The following VWA8 variants were observed in gnomAD, a reference collection of about 807,000 sequenced individuals.
VWA8 encodes von Willebrand factor A domain containing 8.
In VWA8, 221 loss-of-function variants were observed where a neutral mutation model predicts 241.5. The ratio of observed to expected loss-of-function variants is 0.91; its 90% confidence interval spans 0.82 to 1.02. VWA8 has a LOEUF of 1.02. Among genes scored for constraint, VWA8 ranks in the 50% least tolerant of loss-of-function variants. The pLI is 0.00. For synonymous variants in VWA8, 852 were observed against 827.1 expected (o/e 1.03, Z -0.52); for missense variants, 2,322 against 2,328.7 (o/e 1.00, Z 0.06).
chr13:41,638,539 G>C (rs1334667456), intron 37 of VWA8, among the ~76,000 whole-genome samples: 4 of 152,084 alleles, frequency 2.6e-5, no homozygotes, highest in African/African-American at 9.7e-5. Flanking sequence ...GAGAAGACTG[G>C]GTTTCAATGA....
At position 41,699,281 on chromosome 13, in the gene VWA8, A is replaced by G. The variant is rs145657948; in HGVS notation, c.3365-11T>C. ...TATTTTGCTCATTTTCTGAAATGAC[A>G]AAAAGGTGTTAATTTTGTGGCTGGC... On this transcript the variant is annotated splice_polypyrimidine_tract_variant and intron_variant, in intron 28 of 44. Transcript: ENST00000379310. 270 of 1,613,604 alleles carry G rather than the reference A, an allele frequency of 1.7e-4. 3 individuals are homozygous for G. In the South Asian group the frequency reaches 2.1e-3, roughly 13 times the overall value.
intron 42 of VWA8, among the ~76,000 whole-genome samples, chr13:41,580,218 T>C (rs532580030): frequency 1.3e-5 from 2 of 152,300 alleles, no homozygotes; most frequent in African/African-American, 4.8e-5. Context: ...TCTCTACTTG[T>C]TTTTGAATGG....
In VWA8 at chr13:41,682,148, T is replaced by C. The variant is rs149252069; in HGVS notation, c.4327+2899A>G. Among the ~76,000 whole-genome samples, 712 of 151,804 alleles carry C rather than the reference T, an allele frequency of 4.7e-3. 4 individuals carry two copies. Among genetic ancestry groups the C allele is most frequent in the Non-Finnish European group, 7.9e-3 (538 of 67,930 alleles). The stretch of plus-strand genomic sequence containing the variant: ...TAAAGCTATAAAGCAATCAAGAGAG[T>C]ACGGTATTAGTAAAGGGATAGACAC... On this transcript the variant is annotated intron_variant, in intron 35 of 44. Transcript: ENST00000379310.
At chr13:41,864,671 G>C in intron 12 of VWA8, 1 of 417,698 alleles carries the variant, frequency 2.4e-6, no homozygotes, top group Non-Finnish European at 4.7e-6. Context: ...GGGTCTGAGA[G>C]GGAAAGAAAA....
At chr13:41,921,903 A>G (rs2138127342) in intron 2 of VWA8, among the ~76,000 whole-genome samples, 1 of 152,330 alleles carries the variant, frequency 6.6e-6, no homozygotes, top group South Asian at 2.1e-4. Flanking sequence ...CAAGCTACCA[A>G]TGACTTTCTT....
rs1295262319 is a variant in VWA8, at chr13:41,567,212, A to G, written c.*985T>C. On this transcript the variant is annotated 3_prime_UTR_variant, in exon 45 of 45. Coordinates refer to ENST00000379310, the MANE Select transcript of VWA8 (RefSeq NM_015058.2). The stretch of plus-strand genomic sequence containing the variant: ...GTGTGTGGGAATAAGGTACATTTTG[A>G]AAGAAAAGAGAATGAGGCTTTAAAA... The G allele has an allele frequency of 1.3e-5, 2 of 152,198 alleles. No individual in the cohort carries two copies. The highest frequency in any genetic ancestry group is 2.9e-5 in the Non-Finnish European group (2 of 68,036). 9.4% of individuals were successfully genotyped at this position (152,198 alleles called of 1,614,324 possible). A position where few individuals can be genotyped will look rare whatever the true frequency, so the allele number is the denominator to read the frequency against.
At chr13:41,720,341 T>G (rs1430079234) in intron 25 of VWA8, among the ~76,000 whole-genome samples, 1 of 152,276 alleles carries the variant, frequency 6.6e-6, no homozygotes, top group East Asian at 1.9e-4. Context: ...CTGAGCTGGC[T>G]GAATTGGACT....
intron 37 of VWA8, among the ~76,000 whole-genome samples, chr13:41,636,106 C>T (rs954726239): frequency 2.0e-5 from 3 of 152,062 alleles, no homozygotes; most frequent in Non-Finnish European, 4.4e-5. Context: ...TAGAACTTAT[C>T]ACTGCTAAAT....
At chr13:41,825,539 T>C (rs959809173) in intron 14 of VWA8, among the ~76,000 whole-genome samples, 1 of 152,148 alleles carries the variant, frequency 6.6e-6, no homozygotes, top group Non-Finnish European at 1.5e-5. Flanking sequence ...GTTCTTTCTG[T>C]TAGGCAGCTG....
chr13:41,775,327 A>G (rs964481620), intron 20 of VWA8, among the ~76,000 whole-genome samples: 1 of 152,244 alleles, frequency 6.6e-6, no homozygotes, highest in Admixed American at 6.5e-5. Context: ...GAAAAGGGTC[A>G]GCTAAACATA....
At chr13:41,606,216 C>T (rs2044552953) in intron 39 of VWA8, among the ~76,000 whole-genome samples, 1 of 152,130 alleles carries the variant, frequency 6.6e-6, no homozygotes. Context: ...GCTCTATACT[C>T]CTTTAGGTAA....
chr13:41,656,248 G>A (rs2044904530), intron 37 of VWA8, among the ~76,000 whole-genome samples: 1 of 152,130 alleles, frequency 6.6e-6, no homozygotes, highest in Non-Finnish European at 1.5e-5. Flanking sequence ...TTCCTCTTTG[G>A]CTTGTGCAAA....
chr13:41,851,987 A>C lies in VWA8; in HGVS notation c.1425+13749T>G, dbSNP rs376523539. On this transcript the variant is annotated intron_variant, in intron 12 of 44. Coordinates refer to ENST00000379310, the MANE Select transcript of VWA8 (RefSeq NM_015058.2). The stretch of plus-strand genomic sequence containing the variant: ...TGGATCATGTGGTAGTTCTGTTTTT[A>C]ATTTTTGAGGACCCTCCATACTATT... Among the ~76,000 whole-genome samples the C allele has an allele frequency of 2.4e-4, 37 of 152,180 alleles. No homozygotes were observed. In the South Asian group the frequency reaches 7.5e-3, roughly 31 times the overall value.
chr13:41,794,846 C>T (rs955239615), intron 17 of VWA8, among the ~76,000 whole-genome samples: 1 of 151,982 alleles, frequency 6.6e-6, no homozygotes, highest in African/African-American at 2.4e-5. Flanking sequence ...ACCATAGAAA[C>T]CCTGGAAGAG....
chr13:41,832,413 G>C (rs1871512543), intron 13 of VWA8, among the ~76,000 whole-genome samples: 1 of 152,126 alleles, frequency 6.6e-6, no homozygotes, highest in South Asian at 2.1e-4. Context: ...GTCTGCAGTG[G>C]TCTGGGAGAA....
intron 26 of VWA8, among the ~76,000 whole-genome samples, chr13:41,710,112 A>G (rs991630158): frequency 5.3e-5 from 8 of 152,150 alleles, no homozygotes; most frequent in Non-Finnish European, 4.4e-5. Flanking sequence ...AACTGCCAAC[A>G]TTTTGACCTA....
chr13:41,714,313 T>C (rs1375673900), intron 26 of VWA8, among the ~76,000 whole-genome samples: 2 of 151,956 alleles, frequency 1.3e-5, no homozygotes, highest in Non-Finnish European at 2.9e-5. Flanking sequence ...TAGCTTAATA[T>C]GAAGTAAGTA....
intron 1 of VWA8, among the ~76,000 whole-genome samples, chr13:41,951,558 A>G (rs1013645292): frequency 1.4e-4 from 22 of 152,340 alleles, no homozygotes; most frequent in Admixed American, 3.9e-4. Context: ...GACTAAACTG[A>G]ATAATCTCTC....
intron 37 of VWA8, among the ~76,000 whole-genome samples, chr13:41,624,758 C>T (rs1352769766): frequency 5.9e-5 from 9 of 152,102 alleles, no homozygotes; most frequent in Non-Finnish European, 1.0e-4. Flanking sequence ...CTTTGAGAAT[C>T]GAAACAAGAC....
Sources: gnomAD v4.1 joint callset for allele counts (sites outside exome capture counted in the v4.1 genomes callset) on GRCh38, gnomAD v4.1.1 for gene constraint, MANE v1.5 for transcripts, NCBI Gene and HGNC (gene_info 2026-07-23, HGNC 2026-07-21) for gene names.